Variants in SLC36A1 observed in about 807,000 individuals in gnomAD.
The protein encoded by SLC36A1 is proton-coupled amino acid transporter 1.
Under a neutral mutation model 47.5 loss-of-function variants are expected in SLC36A1, and 30 were observed. That is an observed-to-expected ratio of 0.63 (90% CI 0.47 to 0.86). The LOEUF is 0.86. SLC36A1 is among the 40% of genes least tolerant of loss of function. The pLI, the probability that SLC36A1 is intolerant of heterozygous loss-of-function variation, is 0.00. For synonymous variants in SLC36A1, 255 were observed against 249.7 expected, an observed-to-expected ratio of 1.02 and a Z score of -0.20; for missense variants, 517 against 606.0, an observed-to-expected ratio of 0.85 and a Z score of 1.54.
upstream of SLC36A1, among the ~76,000 whole-genome samples, chr5:151,433,253 TA>T (rs1561704998): frequency 8.2e-4 from 16 of 19,510 alleles, no homozygotes; most frequent in African/African-American, 2.8e-3. Context: ...TATATATATA[TA>T]TATATATATA....
intron 1 of SLC36A1, among the ~76,000 whole-genome samples, chr5:151,451,799 T>C (rs1753700689): frequency 6.6e-6 from 1 of 152,170 alleles, no homozygotes; most frequent in Non-Finnish European, 1.5e-5. Context: ...TTATGCAGAA[T>C]ACCCGCTGCA....
At chr5:151,480,387 C>G (rs1328534228) in intron 10 of SLC36A1, among the ~76,000 whole-genome samples, 3 of 152,184 alleles carry the variant, frequency 2.0e-5, no homozygotes, top group East Asian at 1.9e-4. Flanking sequence ...GTCTGAGCCT[C>G]TGTCTTTGGG....
chr5:151,528,137 C>T, the SLC36A1 span: 17 of 1,613,458 alleles, frequency 1.1e-5, no homozygotes, highest in Admixed American at 5.0e-5. Flanking sequence ...CTGATACCTG[C>T]GGTGGGGTAG....
the SLC36A1 span, among the ~76,000 whole-genome samples, chr5:151,418,001 G>T: frequency 6.6e-6 from 1 of 152,254 alleles, no homozygotes; most frequent in East Asian, 1.9e-4. Flanking sequence ...TGGCTAAAAG[G>T]TGCCAACATA....
chr5:151,489,268 G>A lies in SLC36A1; in HGVS notation c.*1014G>A, dbSNP rs34046389. ...AGGGAAGGGTGGCTGAGTGAGAGGC[G>A]TATAAAATGGGGCTGTGTGCATGCA... On this transcript the variant is annotated 3_prime_UTR_variant, in exon 11 of 11. Transcript: ENST00000243389. The surrounding 1 kb of genome is among the most constrained non-coding windows in gnomAD (Gnocchi z 4.5). 0.062 allele frequency: 9,522 copies of A among 152,582 alleles called. 930 individuals carry two copies. Among genetic ancestry groups the A allele is most frequent in the African/African-American group, 0.21 (8,906 of 41,462 alleles). The allele number at this position is 152,582 out of a possible 1,614,324, so 9.5% of individuals were successfully genotyped here. A position where few individuals can be genotyped will look rare whatever the true frequency, so the allele number is the denominator to read the frequency against.
At chr5:151,512,137 G>A in the SLC36A1 span, 2 of 1,596,258 alleles carry the variant, frequency 1.3e-6, no homozygotes, top group Non-Finnish European at 1.7e-6. The surrounding 1 kb of genome is among the most constrained non-coding windows in gnomAD (Gnocchi z 4.1). Flanking sequence ...GATAAACCCT[G>A]GGTTCAGCCT....
the SLC36A1 span, among the ~76,000 whole-genome samples, chr5:151,357,004 C>T: frequency 7.2e-5 from 11 of 152,210 alleles, no homozygotes; most frequent in Non-Finnish European, 1.5e-4. Context: ...TCCCCAAGCA[C>T]TTGACCCATC....
chr5:151,458,043 T>A (rs1754847188), intron 1 of SLC36A1, among the ~76,000 whole-genome samples: 1 of 151,698 alleles, frequency 6.6e-6, no homozygotes, highest in East Asian at 1.9e-4. Context: ...AGACGGGGTT[T>A]CTCCATGTTA....
chr5:151,386,682 T>C, the SLC36A1 span, among the ~76,000 whole-genome samples: 1 of 152,122 alleles, frequency 6.6e-6, no homozygotes, highest in African/African-American at 2.4e-5. Flanking sequence ...TCCATAGAAT[T>C]TGCGTCTTGA....
the SLC36A1 span, chr5:151,527,225 C>G: frequency 1.3e-6 from 2 of 1,595,958 alleles, no homozygotes; most frequent in Middle Eastern, 1.7e-4. Flanking sequence ...CTTGGAGGCT[C>G]AAGCTTACCT....
At chr5:151,442,521 T>C (rs1344182784) in intron 1 of SLC36A1, among the ~76,000 whole-genome samples, 2 of 152,342 alleles carry the variant, frequency 1.3e-5, no homozygotes, top group South Asian at 4.1e-4. Context: ...ACCCCTCTTC[T>C]AGCTATGTGA....
At chr5:151,408,574 A>G in the SLC36A1 span, among the ~76,000 whole-genome samples, 3 of 152,246 alleles carry the variant, frequency 2.0e-5, no homozygotes, top group Non-Finnish European at 2.9e-5. Flanking sequence ...GAATATACAT[A>G]CATACTACAA....
the SLC36A1 span, chr5:151,527,447 A>G: frequency 1.4e-6 from 2 of 1,425,134 alleles, no homozygotes; most frequent in Middle Eastern, 4.0e-4. Flanking sequence ...CTGAGTCATC[A>G]CTAATATTTT....
chr5:151,512,054 G>A, the SLC36A1 span: 1 of 979,422 alleles, frequency 1.0e-6, no homozygotes, highest in Non-Finnish European at 1.5e-6. The surrounding 1 kb of genome is among the most constrained non-coding windows in gnomAD (Gnocchi z 4.1). Flanking sequence ...TAGGGGAAGA[G>A]AGAGAAATTT....
chr5:151,484,402 C>A (rs897636636), intron 10 of SLC36A1, among the ~76,000 whole-genome samples: 1 of 152,254 alleles, frequency 6.6e-6, no homozygotes, highest in Admixed American at 6.5e-5. Flanking sequence ...CCCTTTTGGG[C>A]AAGCCATGTG....
the SLC36A1 span, among the ~76,000 whole-genome samples, chr5:151,379,200 C>T: frequency 2.6e-5 from 4 of 152,236 alleles, no homozygotes; most frequent in Non-Finnish European, 4.4e-5. Context: ...TCTCTGGCTC[C>T]ATCTTTGTGT....
chr5:151,452,289 C>G (rs1753763354), intron 1 of SLC36A1: 2 of 152,220 alleles, frequency 1.3e-5, no homozygotes, highest in South Asian at 2.1e-4. Context: ...TTTTACTTCC[C>G]TCACTGTAGA....
chr5:151,545,247 T>C, the SLC36A1 span: 14 of 1,614,024 alleles, frequency 8.7e-6, no homozygotes, highest in Admixed American at 5.0e-5. Flanking sequence ...TGTCAAGCAC[T>C]TGGGTCAAAG....
intron 10 of SLC36A1, among the ~76,000 whole-genome samples, chr5:151,485,084 A>G (rs796597077): frequency 6.6e-6 from 1 of 152,116 alleles, no homozygotes; most frequent in Non-Finnish European, 1.5e-5. Context: ...TCATCAGCCT[A>G]CAATTTTACC....
Sources: allele counts gnomAD v4.1 joint callset (sites outside exome capture counted in the v4.1 genomes callset), GRCh38; gene constraint gnomAD v4.1.1; non-coding constraint Gnocchi (gnomAD v3.1); transcripts MANE v1.5; gene names NCBI Gene and HGNC (gene_info 2026-07-23, HGNC 2026-07-21).